CACNA2D1: variants seen among roughly 807,000 people sequenced by gnomAD.
CACNA2D1 encodes the protein voltage-dependent calcium channel subunit alpha-2/delta-1.
In CACNA2D1, 53 loss-of-function variants were observed where a neutral mutation model predicts 171.5. That is an observed-to-expected ratio of 0.31 (90% CI 0.25 to 0.39). The LOEUF is 0.39. Ranked by LOEUF, CACNA2D1 falls within the 10% of genes least tolerant of loss-of-function variation. CACNA2D1 has a pLI of 1.00. For missense variants in CACNA2D1, 903 were observed against 1,299.8 expected (o/e 0.69, Z 4.69); for synonymous variants, 442 against 443.1 (o/e 1.00, Z 0.03).
rs200652259 is a variant in CACNA2D1, at chr7:82,233,153, AG to A, written c.295-62545del. On this transcript the variant is annotated intron_variant, in intron 3 of 38. Transcript: ENST00000356860. ...AGAATCACTTCATAAAACTTATTTC[AG>A]GTGAAAGAATTAATTATAAAGTGTT... is the stretch of plus-strand genomic sequence containing the variant. 1.3e-4 allele frequency among the ~76,000 whole-genome samples: 20 copies of A among 152,278 alleles called. No homozygotes were observed. The East Asian group carries it at 3.9e-3, about 29-fold the overall frequency.
intron 1 of CACNA2D1, among the ~76,000 whole-genome samples, chr7:82,370,572 T>TGGATGGATGGAC (rs35737652): frequency 0.35 from 52,181 of 151,078 alleles, 9,908 homozygotes; most frequent in East Asian, 0.55. Flanking sequence ...GATGGATGGA[T>TGGATGGATGGAC]GGATGGATAG....
At chr7:82,060,197 TATATTATATATATAATATATATATA>T (rs1562981816) in intron 10 of CACNA2D1, among the ~76,000 whole-genome samples, 1 of 11,042 alleles carries the variant, frequency 9.1e-5, no homozygotes, top group Non-Finnish European at 2.4e-4. Context: ...ATATTATATA[TATATTATATATATAATATATATATA>T]ATATATATAT....
In CACNA2D1 at chr7:81,980,172, C is replaced by CAAAAAAAAAAAAAAAA. The variant is rs35616922; in HGVS notation, c.1955+2379_1955+2394dup. On this transcript the variant is annotated intron_variant, in intron 24 of 38. Coordinates refer to ENST00000356860, the MANE Select transcript of CACNA2D1 (RefSeq NM_000722.4). ...AAAAGAAGGTAAAACTAAAACCAAGCAAAAAAAAAAAAAAAAAAAAAAAAA... is the reference window on the plus strand; with the variant it reads ...AAAAGAAGGTAAAACTAAAACCAAGCAAAAAAAAAAAAAAAAAAAAAAAAAAAAAAAAAAAAAAAAA... Among the ~76,000 whole-genome samples, 13 of 25,250 alleles carry CAAAAAAAAAAAAAAAA rather than the reference C, an allele frequency of 5.1e-4. 2 individuals carry two copies. Among genetic ancestry groups the CAAAAAAAAAAAAAAAA allele is most frequent in the East Asian group, 1.5e-3 (1 of 678 alleles). The allele number at this position is 25,250 out of a possible 152,430, so 16.6% of individuals were successfully genotyped here.
intron 24 of CACNA2D1, 37 bp from the exon 25 acceptor site, chr7:81,974,589 A>ATGTTTTATTT: frequency 8.9e-7 from 1 of 1,126,114 alleles, no homozygotes; most frequent in Non-Finnish European, 1.3e-6. Flanking sequence ...AGATATTAAA[A>ATGTTTTATTT]TCAAAACTTT....
At chr7:82,288,733 G>T (rs900475772) in intron 3 of CACNA2D1, among the ~76,000 whole-genome samples, 4 of 152,132 alleles carry the variant, frequency 2.6e-5, no homozygotes, top group Admixed American at 2.0e-4. Context: ...AGCTGCCTAT[G>T]GTTTTATGCT....
intron 2 of CACNA2D1, among the ~76,000 whole-genome samples, chr7:82,340,370 T>A (rs1370520822): frequency 6.6e-6 from 1 of 151,454 alleles, no homozygotes; most frequent in Non-Finnish European, 1.5e-5. Context: ...AGGATCTCAC[T>A]ATGTTGTTCA....
intron 9 of CACNA2D1, among the ~76,000 whole-genome samples, chr7:82,063,068 C>T (rs115245080): frequency 0.01 from 1,587 of 152,156 alleles, 26 homozygotes; most frequent in African/African-American, 0.036. Flanking sequence ...TCTTAATCAT[C>T]TTTGTTTCTA....
At chr7:82,204,892 C>T (rs1420124752) in intron 3 of CACNA2D1, among the ~76,000 whole-genome samples, 3 of 152,174 alleles carry the variant, frequency 2.0e-5, no homozygotes, top group African/African-American at 7.2e-5. Context: ...CAGCATGACT[C>T]AGCGAGTTTG....
chr7:81,984,283 G>C (rs1309353525), intron 22 of CACNA2D1, among the ~76,000 whole-genome samples: 2 of 152,144 alleles, frequency 1.3e-5, no homozygotes, highest in Non-Finnish European at 2.9e-5. Flanking sequence ...AGTGCCATGA[G>C]AGTAGAGACT....
chr7:82,072,813 T>C (rs1808486446), intron 7 of CACNA2D1, among the ~76,000 whole-genome samples: 2 of 152,070 alleles, frequency 1.3e-5, no homozygotes, highest in Non-Finnish European at 2.9e-5. Context: ...ATGGGACTAA[T>C]AATGCCACTT....
chr7:81,955,580 C>T (rs953697791), intron 38 of CACNA2D1, among the ~76,000 whole-genome samples: 1 of 151,672 alleles, frequency 6.6e-6, no homozygotes, highest in Admixed American at 6.6e-5. Context: ...TCCTTTGATA[C>T]AATAATATAA....
intron 6 of CACNA2D1, among the ~76,000 whole-genome samples, chr7:82,105,502 A>G (rs1787648349): frequency 6.6e-6 from 1 of 151,352 alleles, no homozygotes; most frequent in African/African-American, 2.4e-5. Context: ...CTCCAGGTCA[A>G]AAAATTCCTC....
At chr7:82,088,205 T>C (rs1032212727) in intron 6 of CACNA2D1, among the ~76,000 whole-genome samples, 7 of 152,180 alleles carry the variant, frequency 4.6e-5, no homozygotes, top group Admixed American at 4.6e-4. Flanking sequence ...AAAGAGTTTA[T>C]GTGGTTATGC....
chr7:82,047,922 A>G (rs1355179929), intron 10 of CACNA2D1, among the ~76,000 whole-genome samples: 2 of 152,150 alleles, frequency 1.3e-5, no homozygotes, highest in African/African-American at 4.8e-5. Context: ...ATCACGCAGT[A>G]TTTGAGCAAA....
At chr7:82,258,326 C>T (rs1474219867) in intron 3 of CACNA2D1, among the ~76,000 whole-genome samples, 1 of 151,354 alleles carries the variant, frequency 6.6e-6, no homozygotes, top group African/African-American at 2.4e-5. Context: ...AAAAAAAGAG[C>T]TTTAGTGACC....
At chr7:82,420,416 T>C (rs1828604735) in intron 1 of CACNA2D1, among the ~76,000 whole-genome samples, 1 of 152,220 alleles carries the variant, frequency 6.6e-6, no homozygotes, top group South Asian at 2.1e-4. Flanking sequence ...GTAATGTTAA[T>C]TGAGGATTCC....
At chr7:82,177,982 T>C (rs1350288603) in intron 3 of CACNA2D1, among the ~76,000 whole-genome samples, 2 of 152,176 alleles carry the variant, frequency 1.3e-5, no homozygotes, top group Non-Finnish European at 2.9e-5. Flanking sequence ...TTGATAGCTA[T>C]CATTTTCTTA....
At chr7:82,225,356 A>G (rs1802246725) in intron 3 of CACNA2D1, among the ~76,000 whole-genome samples, 1 of 152,216 alleles carries the variant, frequency 6.6e-6, no homozygotes, top group Non-Finnish European at 1.5e-5. Flanking sequence ...CTCACCACGT[A>G]GATTATCCTT....
At chr7:82,060,365 A>G in intron 10 of CACNA2D1, 63 bp downstream of exon 10, 2 of 1,070,934 alleles carry the variant, frequency 1.9e-6, no homozygotes, top group Non-Finnish European at 2.9e-6. Context: ...TAAAGTACCT[A>G]AAGTCAGGAG....
Sources: allele counts gnomAD v4.1 joint callset (sites outside exome capture counted in the v4.1 genomes callset), GRCh38; gene constraint gnomAD v4.1.1; transcripts MANE v1.5; gene names NCBI Gene and HGNC (gene_info 2026-07-23, HGNC 2026-07-21).